Variants in PLRG1 observed in about 807,000 individuals in gnomAD.
PLRG1 encodes pleiotropic regulator 1 (PRL1 homolog, Arabidopsis).
Under a neutral mutation model 74.9 loss-of-function variants are expected in PLRG1, and 28 were observed. The ratio of observed to expected loss-of-function variants is 0.37; its 90% CI spans 0.28 to 0.51. The LOEUF is 0.51. Among genes scored for constraint, PLRG1 ranks in the 20% least tolerant of loss-of-function variants. The probability of loss-of-function intolerance (pLI) is 0.91; values close to 1 mark genes in which losing one functional copy is unlikely to be tolerated. For missense variants in PLRG1, 445 were observed against 631.9 expected (o/e 0.70, Z 3.17); for synonymous variants, 197 against 212.4 (o/e 0.93, Z 0.63).
intron 6 of PLRG1, among the ~76,000 whole-genome samples, chr4:154,545,515 TAA>T (rs199705573): frequency 8.2e-5 from 12 of 146,518 alleles, no homozygotes; most frequent in East Asian, 2.0e-4. Context: ...TAAAATTTAA[TAA>T]AAAAAAAAAG....
At chr4:154,540,982 A>G (rs753459102) in intron 8 of PLRG1, 48 bp from the exon 9 acceptor site, 23 of 1,396,060 alleles carry the variant, frequency 1.6e-5, no homozygotes, top group Non-Finnish European at 2.0e-5. Flanking sequence ...TTACTGCAAA[A>G]CAAAATTTTA....
At chr4:154,547,915 T>A in intron 2 of PLRG1, 62 bp from the exon 3 acceptor site, 1 of 1,268,168 alleles carries the variant, frequency 7.9e-7, no homozygotes, top group Non-Finnish European at 1.1e-6. Context: ...ACACTTAGCT[T>A]AAGTTTGCCC....
rs144674792 is a variant in PLRG1 at position 154,539,283 on chromosome 4, C to G, written c.1043-70G>C. 158 of 927,614 alleles carry G rather than the reference C, an allele frequency of 1.7e-4. No individual in the cohort carries two copies. In the African/African-American group the frequency reaches 2.3e-3, roughly 14 times the overall value. 57.5% of individuals were successfully genotyped at this position (927,614 alleles called of 1,614,324 possible). On this transcript the variant is annotated intron_variant, in intron 11 of 14. Coordinates refer to ENST00000499023, the MANE Select transcript of PLRG1 (RefSeq NM_002669.4). ...AATAATGCAAAAGTTAAATAAAATA[C>G]AAAGCATTCTTCCAAAACACATATG...
Position 154,547,044 on chromosome 4 carries a change from C to T in PLRG1, c.280G>A (p.Val94Met), listed in dbSNP as rs753646645. The change falls in exon 4 of 15, where the codon GTG (valine) becomes ATG (methionine). Residue 94 changes from valine to methionine, a missense_variant. Transcript: ENST00000499023. ...GGTGGGTATGGATGTGTACCTGCCA[C>T]AAAGTATTCAACTTCTTGTCCTAAA... ...ANQGQEVEYF[V>M]AGTHPYPPGP... 3 of 1,612,138 alleles carry T rather than the reference C, an allele frequency of 1.9e-6. No homozygotes were observed. In the South Asian group the frequency reaches 3.3e-5, roughly 18 times the overall value.
intron 2 of PLRG1, among the ~76,000 whole-genome samples, chr4:154,548,224 A>G (rs1482137938): frequency 6.6e-6 from 1 of 152,216 alleles, no homozygotes; most frequent in Non-Finnish European, 1.5e-5. Context: ...CCTTTACTAG[A>G]TGTATCCAAA....
At chr4:154,548,998 AGATT>A in intron 1 of PLRG1, 63 bp from the exon 2 acceptor site, 1 of 951,574 alleles carries the variant, frequency 1.1e-6, no homozygotes. Flanking sequence ...ACCTAAAGTC[AGATT>A]GATTATACAC....
Position 154,542,266 on chromosome 4 carries a change from T to G in PLRG1, c.608A>C (p.His203Pro). ...PWKLYRVISGHLGWVRCIAVE... is the reference protein window; with the variant it reads ...PWKLYRVISGPLGWVRCIAVE... ...AGCAATACATCGAACCCAGCCAAGA[T>G]GCCCACTGATAACCTGTATAAAACA... The change falls in exon 8 of 15, where the codon CAT (histidine) becomes CCT (proline). Residue 203 changes from histidine to proline, a missense_variant. Transcript: ENST00000499023. 6.2e-7 allele frequency: 1 copy of G among 1,610,706 alleles called. No individual in the cohort carries two copies. The highest frequency in any genetic ancestry group is 8.5e-7 in the Non-Finnish European group (1 of 1,176,950).
In PLRG1 at chr4:154,547,734, T is replaced by C. The variant is rs373645095; in HGVS notation, c.236A>G (p.His79Arg). 1 of 1,613,130 alleles carries C rather than the reference T, an allele frequency of 6.2e-7. No homozygotes were observed. The highest frequency in any genetic ancestry group is 8.5e-7 in the Non-Finnish European group (1 of 1,179,292). The change falls in exon 3 of 15, where the codon CAT (histidine) becomes CGT (arginine). Residue 79 changes from histidine to arginine, a missense_variant. By Grantham distance (29) the His-to-Arg change is conservative. This residue lies in a region of PLRG1 where 206 missense variants were observed against 210.8 expected (regional missense o/e 0.98). Transcript: ENST00000499023. ...ACCTTGATTGGCAGGGTACTGTTTA[T>C]GAACATATGAATCCGTTGCATTCTG... Reference protein sequence around the residue: ...GPQNATDSYVHKQYPANQGQE... With the variant: ...GPQNATDSYVRKQYPANQGQE...
rs1729426277 is a variant in PLRG1 at position 154,535,311 on chromosome 4, T to C, written c.*1374A>G. 6.6e-6 allele frequency: 1 copy of C among 151,986 alleles called. No homozygotes were observed. Among genetic ancestry groups the C allele is most frequent in the Non-Finnish European group, 1.5e-5 (1 of 68,008 alleles). The allele number at this position is 151,986 out of a possible 1,614,324, so 9.4% of individuals were successfully genotyped here. ...ACCATCTATTAAACCAGTCCCTTAC[T>C]GACAGGGCATTTGGGCTAGTTTTAA... is the stretch of plus-strand genomic sequence containing the variant. On this transcript the variant is annotated 3_prime_UTR_variant, in exon 15 of 15. Transcript: ENST00000499023.
rs77559463 is a variant in PLRG1, at chr4:154,538,887, T to C, written c.1151+218A>G. 844 of 479,940 alleles carry C rather than the reference T, an allele frequency of 1.8e-3. 1 individual carries two copies. The highest frequency in any genetic ancestry group is 2.6e-3 in the Non-Finnish European group (699 of 268,782). 29.7% of individuals were successfully genotyped at this position (479,940 alleles called of 1,614,324 possible). A position where few individuals can be genotyped will look rare whatever the true frequency, so the allele number is the denominator to read the frequency against. ...TTTACACTGTCTCATTTGACATTAT[T>C]TATTTGTTATCAAGTAGAAGGCTTT... On this transcript the variant is annotated intron_variant, in intron 12 of 14. Coordinates refer to ENST00000499023, the MANE Select transcript of PLRG1 (RefSeq NM_002669.4).
chr4:154,542,178 CATT>C lies in PLRG1; in HGVS notation c.687+6_687+8del. 6.7e-7 allele frequency: 1 copy of C among 1,497,722 alleles called. No individual in the cohort carries two copies. Among genetic ancestry groups the C allele is most frequent in the Middle Eastern group, 1.7e-4 (1 of 5,860 alleles). 92.8% of individuals were successfully genotyped at this position (1,497,722 alleles called of 1,614,324 possible). On this transcript the variant is annotated splice_donor_region_variant and intron_variant, in intron 8 of 14. Coordinates refer to ENST00000499023, the MANE Select transcript of PLRG1 (RefSeq NM_002669.4). ...AAGTCATGTTTATTTTTTCTTCCTT[CATT>C]ATTACCTTTATAGTTCTGTCAGCAG...
chr4:154,540,116 C>A, intron 10 of PLRG1, 63 bp from the exon 11 acceptor site: 2 of 896,780 alleles, frequency 2.2e-6, no homozygotes, highest in Non-Finnish European at 3.8e-6. Flanking sequence ...AAGAAGATAA[C>A]TGGATCAATT....
chr4:154,542,438 T>C lies in PLRG1; in HGVS notation c.595-159A>G, dbSNP rs115359245. 1.0e-2 allele frequency among the ~76,000 whole-genome samples: 1,523 copies of C among 152,356 alleles called. 26 individuals are homozygous for C. The highest frequency in any genetic ancestry group is 0.033 in the African/African-American group (1,352 of 41,580). The stretch of plus-strand genomic sequence containing the variant: ...TATGAAATTATCTTCAGTGAGTTAA[T>C]AGTTAACACAAATTGTGGCTCATCT... On this transcript the variant is annotated intron_variant, in intron 7 of 14. Coordinates refer to ENST00000499023, the MANE Select transcript of PLRG1 (RefSeq NM_002669.4).
chr4:154,545,390 G>C (rs1353860737), intron 6 of PLRG1, among the ~76,000 whole-genome samples: 1 of 152,018 alleles, frequency 6.6e-6, no homozygotes, highest in Non-Finnish European at 1.5e-5. Context: ...AATACCAGTT[G>C]CCATTTACTT....
intron 7 of PLRG1, among the ~76,000 whole-genome samples, 174 bp from the exon 8 acceptor site, chr4:154,542,453 G>A (rs1729571609): frequency 6.6e-6 from 1 of 152,152 alleles, no homozygotes; most frequent in Non-Finnish European, 1.5e-5. Context: ...AACACAAATT[G>A]TGGCTCATCT....
At chr4:154,545,981 C>T in intron 5 of PLRG1, 58 bp from the exon 6 acceptor site, 1 of 1,180,396 alleles carries the variant, frequency 8.5e-7, no homozygotes, top group Non-Finnish European at 1.2e-6. Flanking sequence ...ATGTATTCTG[C>T]AAAACTAACC....
chr4:154,539,239 C>A, intron 11 of PLRG1, 26 bp from the exon 12 acceptor site: 1 of 1,262,346 alleles, frequency 7.9e-7, no homozygotes, highest in South Asian at 1.2e-5. Flanking sequence ...ATATATCCCT[C>A]AAAACATAGA....
At chr4:154,548,442 A>C (rs1328131250) in intron 2 of PLRG1, among the ~76,000 whole-genome samples, 1 of 152,168 alleles carries the variant, frequency 6.6e-6, no homozygotes, top group Non-Finnish European at 1.5e-5. Flanking sequence ...TAGAACCAAA[A>C]ATATGCCACC....
chr4:154,541,180 C>A (rs146658309), intron 8 of PLRG1, among the ~76,000 whole-genome samples: 1 of 152,150 alleles, frequency 6.6e-6, no homozygotes, highest in Non-Finnish European at 1.5e-5. Context: ...TAAATGATAT[C>A]TTTGATAATA....
Sources: gnomAD v4.1 joint callset for allele counts (sites outside exome capture counted in the v4.1 genomes callset) on GRCh38, gnomAD v4.1.1 for gene constraint, gnomAD v4.1.1 regional missense constraint, MANE v1.5 for transcripts, NCBI Gene and HGNC (gene_info 2026-07-23, HGNC 2026-07-21) for gene names.